Variants in DAGLA observed in about 807,000 individuals in gnomAD.
The protein encoded by DAGLA is diacylglycerol lipase-alpha.
Under a neutral mutation model 102.6 loss-of-function variants are expected in DAGLA, and 22 were observed. The ratio of observed to expected loss-of-function variants is 0.21; its 90% CI spans 0.15 to 0.31. DAGLA has a LOEUF of 0.31. DAGLA is among the 10% of genes least tolerant of loss of function. The pLI, the probability that DAGLA is intolerant of heterozygous loss-of-function variation, is 1.00. For missense variants in DAGLA, 927 were observed against 1,446.6 expected, an observed-to-expected ratio of 0.64 and a Z score of 5.83; for synonymous variants, 578 against 628.9, an observed-to-expected ratio of 0.92 and a Z score of 1.21.
At chr11:61,730,226 G>A (rs1461531080) in intron 8 of DAGLA, among the ~76,000 whole-genome samples, 2 of 151,942 alleles carry the variant, frequency 1.3e-5, no homozygotes, top group African/African-American at 2.4e-5. Context: ...CTCTGCCCTG[G>A]CTGTTCTCAC....
Position 61,720,177 on chromosome 11 carries a change from C to T in DAGLA, c.22C>T (p.Arg8Trp), listed in dbSNP as rs778456133. 8 of 1,613,400 alleles carry T rather than the reference C, an allele frequency of 5.0e-6. No individual in the cohort carries two copies. Among genetic ancestry groups the T allele is most frequent in the African/African-American group, 2.7e-5 (2 of 75,044 alleles). The change falls in exon 2 of 20, where the codon CGG (arginine) becomes TGG (tryptophan). Residue 8 changes from arginine to tryptophan, a missense_variant. By Grantham distance (101) the Arg-to-Trp change is moderately radical. Around this residue, in one of 4 missense-constraint regions of DAGLA, gnomAD observed 231 missense variants for 439.8 expected, o/e 0.53. Transcript: ENST00000257215. ...AGCCATGCCCGGGATCGTGGTGTTC[C>T]GGCGGCGCTGGTCTGTGGGCAGTGA... The part of the protein sequence containing the change: MPGIVVF[R>W]RRWSVGSDDL...
intron 5 of DAGLA, 68 bp from the exon 6 acceptor site, chr11:61,725,927 A>G (rs756831127): frequency 2.1e-6 from 3 of 1,438,698 alleles, no homozygotes; most frequent in Non-Finnish European, 2.9e-6. Flanking sequence ...TGTTTCCATA[A>G]CGTCTGGGTC....
At chr11:61,703,127 C>T (rs941879364) in intron 1 of DAGLA, among the ~76,000 whole-genome samples, 2 of 152,282 alleles carry the variant, frequency 1.3e-5, no homozygotes, top group Middle Eastern at 3.4e-3. Context: ...GGCCGTGCTC[C>T]GAAATGGTTT....
chr11:61,742,054 G>A (rs1444306054), intron 19 of DAGLA, among the ~76,000 whole-genome samples: 2 of 152,222 alleles, frequency 1.3e-5, no homozygotes, highest in Non-Finnish European at 2.9e-5. Flanking sequence ...ACATGCACAT[G>A]TACAAGACAC....
At chr11:61,737,603 C>T (rs903687260) in intron 14 of DAGLA, 84 bp from the exon 15 acceptor site, 1 of 1,340,644 alleles carries the variant, frequency 7.5e-7, no homozygotes, top group Non-Finnish European at 1.1e-6. Flanking sequence ...AGGAGCAGGG[C>T]TTGCTTGTGG....
At chr11:61,731,467 G>C in intron 9 of DAGLA, 26 bp downstream of exon 9, 1 of 1,611,002 alleles carries the variant, frequency 6.2e-7, no homozygotes, top group Non-Finnish European at 8.5e-7. Flanking sequence ...CCATCCCCCA[G>C]CGATTGCACC....
chr11:61,727,958 C>G (rs1236594225), intron 6 of DAGLA, among the ~76,000 whole-genome samples, 195 bp from the exon 7 acceptor site: 1 of 152,180 alleles, frequency 6.6e-6, no homozygotes, highest in African/African-American at 2.4e-5. Flanking sequence ...GAGCCCTGGG[C>G]AGGGCCCTCA....
chr11:61,695,056 G>A (rs1027158052), intron 1 of DAGLA, among the ~76,000 whole-genome samples: 5 of 152,186 alleles, frequency 3.3e-5, no homozygotes, highest in South Asian at 4.1e-4. Flanking sequence ...ACTCGCAAGC[G>A]TGTTTTTCCT....
At chr11:61,697,140 G>A (rs1230531925) in intron 1 of DAGLA, among the ~76,000 whole-genome samples, 4 of 152,184 alleles carry the variant, frequency 2.6e-5, no homozygotes, top group African/African-American at 9.7e-5. Context: ...GAAATGAAGC[G>A]GTTTCTGTGC....
At chr11:61,715,852 G>C (rs198435) in intron 1 of DAGLA, among the ~76,000 whole-genome samples, 22,414 of 152,228 alleles carry the variant, frequency 0.15, 1,886 homozygotes, top group East Asian at 0.26. Flanking sequence ...CATCACCCCA[G>C]TCTGTTCTGA....
intron 14 of DAGLA, 36 bp downstream of exon 14, chr11:61,737,360 G>A (rs760840517): frequency 1.2e-6 from 2 of 1,605,412 alleles, no homozygotes; most frequent in Admixed American, 3.3e-5. Flanking sequence ...GGCTGGGGCA[G>A]TTGGGACCAG....
intron 1 of DAGLA, 28 bp downstream of exon 1, chr11:61,680,532 C>G (rs1255872416): frequency 6.7e-6 from 1 of 149,178 alleles, no homozygotes; most frequent in African/African-American, 2.4e-5. Context: ...CGCGGCGGGC[C>G]GGTCCTGGGC....
chr11:61,722,943 C>T lies in DAGLA; in HGVS notation c.392C>T (p.Ala131Val), dbSNP rs137970937. The T allele has an allele frequency of 4.7e-5, 76 of 1,613,902 alleles. No individual in the cohort carries two copies. In the African/African-American group the frequency reaches 4.8e-4, roughly 10 times the overall value. Residue 131 changes from alanine (A) to valine (V), a missense_variant, in exon 4 of 20, where the codon GCC becomes GTC. Transcript: ENST00000257215. ...QYYTSCNDLT[A>V]KNVTLGMVVC... Reference sequence around the variant, plus strand: ...TACACCTCCTGCAACGACCTCACTGCCAAGAATGTCACCCTCGGTACGTCT... The same window carrying T: ...TACACCTCCTGCAACGACCTCACTGTCAAGAATGTCACCCTCGGTACGTCT...
chr11:61,693,383 C>G (rs2065039693), intron 1 of DAGLA, among the ~76,000 whole-genome samples: 1 of 149,594 alleles, frequency 6.7e-6, no homozygotes, highest in Non-Finnish European at 1.5e-5. Context: ...GAGTCTTACT[C>G]TGTTGTCCAG....
chr11:61,695,610 G>A (rs762220298), intron 1 of DAGLA, among the ~76,000 whole-genome samples: 47 of 152,204 alleles, frequency 3.1e-4, no homozygotes, highest in African/African-American at 8.7e-4. Flanking sequence ...GGCCACAGGC[G>A]CTTCTCCAGG....
chr11:61,690,603 C>T (rs952152020), intron 1 of DAGLA, among the ~76,000 whole-genome samples: 4 of 152,160 alleles, frequency 2.6e-5, no homozygotes, highest in African/African-American at 7.2e-5. Flanking sequence ...AGGAAGCACT[C>T]GTTTCACAGC....
intron 8 of DAGLA, 101 bp downstream of exon 8, chr11:61,729,109 C>A: frequency 9.8e-7 from 1 of 1,021,202 alleles, no homozygotes; most frequent in Non-Finnish European, 1.5e-6. Flanking sequence ...CAGTGCCAGC[C>A]ACATTGCCCC....
chr11:61,685,145 G>A (rs1263139229), intron 1 of DAGLA, among the ~76,000 whole-genome samples: 1 of 152,048 alleles, frequency 6.6e-6, no homozygotes. Context: ...TATGACTTCA[G>A]ACTCTGGAAC....
At chr11:61,721,049 G>A (rs1016862268) in intron 3 of DAGLA, among the ~76,000 whole-genome samples, 159 bp downstream of exon 3, 1 of 152,196 alleles carries the variant, frequency 6.6e-6, no homozygotes, top group Non-Finnish European at 1.5e-5. Flanking sequence ...CTAGACTAGG[G>A]GCCAGCAAAC....
Sources: gnomAD v4.1 joint callset for allele counts (sites outside exome capture counted in the v4.1 genomes callset) on GRCh38, gnomAD v4.1.1 for gene constraint, gnomAD v4.1.1 regional missense constraint, MANE v1.5 for transcripts, NCBI Gene and HGNC (gene_info 2026-07-23, HGNC 2026-07-21) for gene names.